The following IKZF3 variants were observed in gnomAD, a reference collection of about 807,000 sequenced individuals.
The protein encoded by IKZF3 is IKAROS family zinc finger 3, also known as zinc finger protein Aiolos.
IKZF3 carries 10 observed loss-of-function variants against 49.0 expected under a neutral mutation model. The observed-to-expected ratio is 0.20, with a 90% CI of 0.13 to 0.35. IKZF3 has a LOEUF of 0.35. Among genes scored for constraint, IKZF3 ranks in the 10% least tolerant of loss-of-function variants. The pLI is 1.00. For missense variants in IKZF3, 498 were observed against 664.8 expected (o/e 0.75, Z 2.76); for synonymous variants, 209 against 228.2 (o/e 0.92, Z 0.76).
At chr17:39,803,361 G>A (rs922300009) in intron 3 of IKZF3, among the ~76,000 whole-genome samples, 28 of 151,982 alleles carry the variant, frequency 1.8e-4, no homozygotes, top group African/African-American at 6.8e-4. Flanking sequence ...AAAAACAATG[G>A]ATGAAATACA....
chr17:39,832,573 A>G (rs1026075452), intron 1 of IKZF3, among the ~76,000 whole-genome samples: 1 of 151,968 alleles, frequency 6.6e-6, no homozygotes, highest in African/African-American at 2.4e-5. Context: ...AAATCATGTC[A>G]TTTGCAGCAA....
intron 3 of IKZF3, among the ~76,000 whole-genome samples, chr17:39,806,888 C>G (rs2061442225): frequency 6.6e-6 from 1 of 152,192 alleles, no homozygotes; most frequent in Admixed American, 6.5e-5. Context: ...GCAAGCTTCT[C>G]AGATGAAGTA....
chr17:39,828,979 C>T (rs771031036), intron 3 of IKZF3, among the ~76,000 whole-genome samples: 2 of 151,468 alleles, frequency 1.3e-5, no homozygotes, highest in Non-Finnish European at 2.9e-5. Flanking sequence ...CTGGCCTGGG[C>T]GACAAAGTGA....
At chr17:39,819,290 A>G (rs1437283472) in intron 3 of IKZF3, among the ~76,000 whole-genome samples, 1 of 152,210 alleles carries the variant, frequency 6.6e-6, no homozygotes, top group Non-Finnish European at 1.5e-5. Context: ...CCAAACCAAC[A>G]GTGGCATAGG....
chr17:39,776,129 T>C (rs2060581508), intron 7 of IKZF3, among the ~76,000 whole-genome samples: 1 of 152,006 alleles, frequency 6.6e-6, no homozygotes, highest in Non-Finnish European at 1.5e-5. Flanking sequence ...TGCGTGCCCA[T>C]AGTTCCAGCT....
intron 1 of IKZF3, among the ~76,000 whole-genome samples, chr17:39,854,505 G>T (rs8077365): frequency 0.058 from 8,780 of 152,102 alleles, 392 homozygotes; most frequent in African/African-American, 0.12. Flanking sequence ...ATGCAAAAAT[G>T]CTTCATGTTT....
At chr17:39,830,560 T>C (rs2062081839) in intron 2 of IKZF3, among the ~76,000 whole-genome samples, 1 of 152,174 alleles carries the variant, frequency 6.6e-6, no homozygotes, top group Admixed American at 6.5e-5. Context: ...AAATGTATAA[T>C]AAATATTGAT....
chr17:39,860,922 C>T (rs1322949812), intron 1 of IKZF3, among the ~76,000 whole-genome samples: 2 of 152,096 alleles, frequency 1.3e-5, no homozygotes, highest in Non-Finnish European at 2.9e-5. Context: ...TATCCAATAA[C>T]ATTTTTGTTT....
At chr17:39,792,539 G>T in intron 4 of IKZF3, 134 bp downstream of exon 4, 1 of 873,942 alleles carries the variant, frequency 1.1e-6, no homozygotes, top group Non-Finnish European at 1.7e-6. Flanking sequence ...GAACAGCAAT[G>T]CAGAGAGAGA....
chr17:39,831,680 A>G (rs1339195612), intron 2 of IKZF3, among the ~76,000 whole-genome samples: 1 of 152,224 alleles, frequency 6.6e-6, no homozygotes, highest in Non-Finnish European at 1.5e-5. Flanking sequence ...AAAAAATAAT[A>G]CGTGACAGAG....
At chr17:39,816,810 C>T (rs147326862) in intron 3 of IKZF3, among the ~76,000 whole-genome samples, 1 of 152,218 alleles carries the variant, frequency 6.6e-6, no homozygotes, top group African/African-American at 2.4e-5. Context: ...GCCTCCCAGG[C>T]TCAGAAGATT....
intron 6 of IKZF3, among the ~76,000 whole-genome samples, chr17:39,779,648 T>TTG (rs1419210233): frequency 1.4e-5 from 2 of 145,630 alleles, no homozygotes; most frequent in Non-Finnish European, 1.5e-5. Flanking sequence ...TATTCTTTGT[T>TTG]TTTTGTTTTT....
chr17:39,766,731 T>C (rs777965806), intron 7 of IKZF3, among the ~76,000 whole-genome samples: 1 of 152,004 alleles, frequency 6.6e-6, no homozygotes, highest in Non-Finnish European at 1.5e-5. Context: ...TGTGGTTCAG[T>C]TGAGGCCACA....
At chr17:39,829,526 G>C in intron 2 of IKZF3, 38 bp from the exon 3 acceptor site, 1 of 1,421,958 alleles carries the variant, frequency 7.0e-7, no homozygotes. Flanking sequence ...GTGGTTCAAC[G>C]TTAAAGGATT....
intron 1 of IKZF3, among the ~76,000 whole-genome samples, chr17:39,852,705 T>C (rs2062913231): frequency 6.6e-6 from 1 of 152,140 alleles, no homozygotes; most frequent in African/African-American, 2.4e-5. Context: ...GCGCAGTGGC[T>C]CACACCCATA....
intron 6 of IKZF3, among the ~76,000 whole-genome samples, chr17:39,787,875 T>A (rs2060911033): frequency 6.6e-6 from 1 of 152,248 alleles, no homozygotes; most frequent in Non-Finnish European, 1.5e-5. Flanking sequence ...GTTTCCCATT[T>A]CCTCTCTGGC....
At chr17:39,809,808 G>A (rs1041212372) in intron 3 of IKZF3, among the ~76,000 whole-genome samples, 1 of 152,142 alleles carries the variant, frequency 6.6e-6, no homozygotes, top group Non-Finnish European at 1.5e-5. Flanking sequence ...TAGATTTCAG[G>A]ATGATGATGA....
At chr17:39,778,165 G>GA (rs1341970219) in intron 6 of IKZF3, 3 of 987,306 alleles carry the variant, frequency 3.0e-6, no homozygotes, top group Non-Finnish European at 3.6e-6. Context: ...TAACAACTTT[G>GA]AAAAAAAAGC....
In IKZF3 at chr17:39,765,063, T is replaced by G. The variant is rs2060257202; in HGVS notation, c.*727A>C. 1 of 152,376 alleles carries G rather than the reference T, an allele frequency of 6.6e-6. No individual in the cohort carries two copies. Among genetic ancestry groups the G allele is most frequent in the South Asian group, 2.1e-4 (1 of 4,836 alleles). 9.4% of individuals were successfully genotyped at this position (152,376 alleles called of 1,614,324 possible). A position where few individuals can be genotyped will look rare whatever the true frequency, so the allele number is the denominator to read the frequency against. On this transcript the variant is annotated 3_prime_UTR_variant, in exon 8 of 8. Coordinates refer to ENST00000346872, the MANE Select transcript of IKZF3 (RefSeq NM_012481.5). ...GGATAAATTTCTGGAGTTTCGATGATGGTCTATATTTAAAACCATGAGTTC... is the reference window on the plus strand; with the variant it reads ...GGATAAATTTCTGGAGTTTCGATGAGGGTCTATATTTAAAACCATGAGTTC...
Sources: gnomAD v4.1 joint callset for allele counts (sites outside exome capture counted in the v4.1 genomes callset) on GRCh38, gnomAD v4.1.1 for gene constraint, MANE v1.5 for transcripts, NCBI Gene and HGNC (gene_info 2026-07-23, HGNC 2026-07-21) for gene names.